The following RAB3C variants were observed in gnomAD, a reference collection of about 807,000 sequenced individuals.
RAB3C encodes the protein RAB3C, member RAS oncogene family.
Under a neutral mutation model 26.4 loss-of-function variants are expected in RAB3C, and 17 were observed. That is an observed-to-expected ratio of 0.64 (90% CI 0.44 to 0.97). RAB3C has a LOEUF of 0.97. Among genes scored for constraint, RAB3C ranks in the 50% least tolerant of loss-of-function variants. RAB3C has a pLI of 0.00. For synonymous variants in RAB3C, 91 were observed against 95.9 expected (o/e 0.95, Z 0.30); for missense variants, 242 against 281.9 (o/e 0.86, Z 1.01).
At chr5:58,670,243 GTC>G in intron 2 of RAB3C, among the ~76,000 whole-genome samples, 1 of 152,082 alleles carries the variant, frequency 6.6e-6, no homozygotes, top group East Asian at 1.9e-4. Flanking sequence ...CTCTGGAAAA[GTC>G]TGTAGTGATA....
chr5:58,661,971 C>T (rs1747914285), intron 2 of RAB3C, among the ~76,000 whole-genome samples: 1 of 149,980 alleles, frequency 6.7e-6, no homozygotes. Flanking sequence ...GGAAGAGATA[C>T]TTAATCCTTC....
intron 1 of RAB3C, among the ~76,000 whole-genome samples, chr5:58,589,921 A>G (rs779306078): frequency 6.6e-5 from 10 of 152,294 alleles, no homozygotes; most frequent in Admixed American, 5.9e-4. Flanking sequence ...GCTGTGTGTC[A>G]AGGAAGCAGG....
rs547469308 is a variant in RAB3C at position 58,832,890 on chromosome 5, TA to T, written c.496+7731del. Among the ~76,000 whole-genome samples, 11 of 152,288 alleles carry T rather than the reference TA, an allele frequency of 7.2e-5. No homozygotes were observed. The East Asian group carries it at 2.1e-3, about 29-fold the overall frequency. Reference sequence around the variant, plus strand: ...TATACATGCTGAGGATCCTAAGTTTTAAACACTGGAGTGACAAGATCAGATT... The same window carrying T: ...TATACATGCTGAGGATCCTAAGTTTTAACACTGGAGTGACAAGATCAGATT... On this transcript the variant is annotated intron_variant, in intron 4 of 4. Transcript: ENST00000282878.
chr5:58,824,087 G>A (rs1743417088), intron 3 of RAB3C, among the ~76,000 whole-genome samples: 2 of 151,818 alleles, frequency 1.3e-5, no homozygotes, highest in Non-Finnish European at 2.9e-5. Context: ...AGTATTCCAT[G>A]GTGTATATGT....
At chr5:58,614,792 G>A (rs182866980) in intron 1 of RAB3C, among the ~76,000 whole-genome samples, 23 of 152,160 alleles carry the variant, frequency 1.5e-4, no homozygotes, top group African/African-American at 4.1e-4. Flanking sequence ...ATGAGCTCCC[G>A]TGTGTGGAGT....
chr5:58,670,326 T>A (rs1037436647), intron 2 of RAB3C, among the ~76,000 whole-genome samples: 3 of 152,148 alleles, frequency 2.0e-5, no homozygotes, highest in African/African-American at 2.4e-5. Flanking sequence ...TTTTTTTTTT[T>A]AATTTAAGCT....
intron 4 of RAB3C, among the ~76,000 whole-genome samples, chr5:58,835,018 GTAAGTATT>G (rs1277122672): frequency 1.3e-5 from 2 of 152,140 alleles, no homozygotes; most frequent in African/African-American, 2.4e-5. Context: ...ATTTCCCAGT[GTAAGTATT>G]AATAGCATCC....
At chr5:58,629,169 T>A (rs908240324) in intron 2 of RAB3C, among the ~76,000 whole-genome samples, 9 of 152,162 alleles carry the variant, frequency 5.9e-5, no homozygotes, top group Non-Finnish European at 1.0e-4. Context: ...GTAGATTTTT[T>A]TAAATTTTTT....
At chr5:58,692,418 T>C (rs191831702) in intron 2 of RAB3C, among the ~76,000 whole-genome samples, 3 of 152,130 alleles carry the variant, frequency 2.0e-5, no homozygotes, top group African/African-American at 7.2e-5. Flanking sequence ...GGTAATGATA[T>C]CTTTTGCCAG....
At chr5:58,801,573 G>A (rs1035214383) in intron 3 of RAB3C, among the ~76,000 whole-genome samples, 16 of 152,298 alleles carry the variant, frequency 1.1e-4, no homozygotes, top group South Asian at 4.2e-4. Flanking sequence ...GCATCATCCC[G>A]TACCCATGGT....
rs538858198 is a variant in RAB3C at position 58,736,925 on chromosome 5, C to G, written c.371+10805C>G. 5.9e-5 allele frequency among the ~76,000 whole-genome samples: 9 copies of G among 152,252 alleles called. No homozygotes were observed. In the South Asian group the frequency reaches 1.7e-3, roughly 28 times the overall value. ...ACTGGTCCAGTCCCCAGAATCTTCCCAGGACAGCAGCTGGAGTGAGCTTTT... is the reference window on the plus strand; with the variant it reads ...ACTGGTCCAGTCCCCAGAATCTTCCGAGGACAGCAGCTGGAGTGAGCTTTT... On this transcript the variant is annotated intron_variant, in intron 3 of 4. Coordinates refer to ENST00000282878, the MANE Select transcript of RAB3C (RefSeq NM_138453.4).
At chr5:58,816,869 G>C (rs373512425) in intron 3 of RAB3C, among the ~76,000 whole-genome samples, 1 of 152,326 alleles carries the variant, frequency 6.6e-6, no homozygotes, top group East Asian at 1.9e-4. Context: ...TATGAAGGGT[G>C]CTATGTTAAA....
At chr5:58,850,024 G>A (rs1461133286) in intron 4 of RAB3C, among the ~76,000 whole-genome samples, 1 of 152,156 alleles carries the variant, frequency 6.6e-6, no homozygotes. Flanking sequence ...GATTAGAAAA[G>A]CCTTTCTATG....
In RAB3C at chr5:58,855,979, C is replaced by T. The variant is rs535245505; in HGVS notation, c.*4628C>T. The T allele has an allele frequency of 6.6e-6, 1 of 151,988 alleles. No individual in the cohort carries two copies. The highest frequency in any genetic ancestry group is 1.9e-4 in the East Asian group (1 of 5,162). 9.4% of individuals were successfully genotyped at this position (151,988 alleles called of 1,614,324 possible). A position where few individuals can be genotyped will look rare whatever the true frequency, so the allele number is the denominator to read the frequency against. ...TGACACTCCGGTCAAATAATATTTC[C>T]CTTTGATAGATTGAAATATTTGCTT... On this transcript the variant is annotated 3_prime_UTR_variant, in exon 5 of 5. Transcript: ENST00000282878.
chr5:58,733,397 G>A (rs753840422), intron 3 of RAB3C, among the ~76,000 whole-genome samples: 18 of 152,178 alleles, frequency 1.2e-4, no homozygotes, highest in Non-Finnish European at 2.5e-4. Context: ...TGATGTTTAC[G>A]ATGTGCTTCA....
chr5:58,752,465 A>G (rs1424455659), intron 3 of RAB3C, among the ~76,000 whole-genome samples: 1 of 134,568 alleles, frequency 7.4e-6, no homozygotes, highest in Non-Finnish European at 1.6e-5. Context: ...TTATTGAGTC[A>G]ATGACAGAAA....
At chr5:58,828,918 T>TGGA (rs1743550369) in intron 4 of RAB3C, among the ~76,000 whole-genome samples, 1 of 149,360 alleles carries the variant, frequency 6.7e-6, no homozygotes, top group Admixed American at 6.7e-5. Flanking sequence ...TTTTTTTTTT[T>TGGA]TTTTGGATGG....
At chr5:58,764,287 C>A (rs146584469) in intron 3 of RAB3C, among the ~76,000 whole-genome samples, 58 of 144,886 alleles carry the variant, frequency 4.0e-4, no homozygotes, top group African/African-American at 1.2e-3. Context: ...TTCCTTGTGC[C>A]CACGGCTATG....
intron 3 of RAB3C, among the ~76,000 whole-genome samples, chr5:58,794,947 A>C (rs1047224906): frequency 2.0e-5 from 3 of 152,254 alleles, no homozygotes; most frequent in Non-Finnish European, 4.4e-5. Context: ...CAGATAGTTC[A>C]TTTAGAAAAA....
Sources: gnomAD v4.1 joint callset for allele counts (sites outside exome capture counted in the v4.1 genomes callset) on GRCh38, gnomAD v4.1.1 for gene constraint, MANE v1.5 for transcripts, NCBI Gene and HGNC (gene_info 2026-07-23, HGNC 2026-07-21) for gene names.